MRPS27: variants seen among roughly 807,000 people sequenced by gnomAD.
MRPS27 encodes mitochondrial ribosomal protein S27.
Under a neutral mutation model 48.9 loss-of-function variants are expected in MRPS27, and 43 were observed. The observed-to-expected ratio is 0.88, with a 90% CI of 0.69 to 1.13. The LOEUF (loss-of-function observed/expected upper bound fraction) is 1.13, where lower values mean the gene tolerates loss of function less well. MRPS27 is among the 50% of genes most tolerant of loss of function. The pLI, the probability that MRPS27 is intolerant of heterozygous loss-of-function variation, is 0.00. For missense variants in MRPS27, 467 were observed against 476.3 expected (o/e 0.98, Z 0.18); for synonymous variants, 188 against 171.9 (o/e 1.09, Z -0.73).
intron 7 of MRPS27, among the ~76,000 whole-genome samples, chr5:72,231,699 G>A (rs574505059): frequency 2.6e-5 from 4 of 152,234 alleles, no homozygotes; most frequent in African/African-American, 9.6e-5. Flanking sequence ...TGGACTAAAT[G>A]ACCTCTTCAG....
intron 3 of MRPS27, 145 bp downstream of exon 3, chr5:72,297,487 C>T (rs1458517256): frequency 1.9e-6 from 1 of 523,566 alleles, no homozygotes; most frequent in Non-Finnish European, 3.3e-6. Context: ...TATAAAATAT[C>T]TATTAGTAAC....
chr5:72,243,443 GAGA>G (rs1748417659), intron 4 of MRPS27, among the ~76,000 whole-genome samples: 1 of 152,102 alleles, frequency 6.6e-6, no homozygotes, highest in African/African-American at 2.4e-5. Flanking sequence ...AAATTTTGAT[GAGA>G]TAATTTTCTA....
intron 4 of MRPS27, among the ~76,000 whole-genome samples, chr5:72,242,286 C>T (rs1381347632): frequency 6.6e-6 from 1 of 152,116 alleles, no homozygotes; most frequent in African/African-American, 2.4e-5. Context: ...TCTGCCTGCA[C>T]TGCTGCTCAT....
At chr5:72,228,518 T>G (rs577110190) in intron 7 of MRPS27, 150 bp from the exon 8 acceptor site, 1 of 492,966 alleles carries the variant, frequency 2.0e-6, no homozygotes, top group South Asian at 4.8e-5. Context: ...ATCCTAATTT[T>G]GGGATTAAAA....
chr5:72,233,439 A>C (rs1240479837), intron 6 of MRPS27, among the ~76,000 whole-genome samples: 1 of 152,174 alleles, frequency 6.6e-6, no homozygotes, highest in African/African-American at 2.4e-5. Context: ...GTGCCTGTTC[A>C]TATCACAAGC....
At chr5:72,309,388 C>T (rs972185432) in intron 2 of MRPS27, among the ~76,000 whole-genome samples, 2 of 151,896 alleles carry the variant, frequency 1.3e-5, no homozygotes, top group Admixed American at 6.6e-5. Context: ...GCTTCAGCCT[C>T]CATTGTAGCT....
chr5:72,298,355 C>T (rs1472715188), intron 2 of MRPS27, among the ~76,000 whole-genome samples: 1 of 152,216 alleles, frequency 6.6e-6, no homozygotes, highest in Non-Finnish European at 1.5e-5. Flanking sequence ...GTCAGAATGG[C>T]TATTATTAAA....
chr5:72,226,306 T>C (rs1747896037), intron 8 of MRPS27, 107 bp from the exon 9 acceptor site: 3 of 1,300,474 alleles, frequency 2.3e-6, no homozygotes, highest in Non-Finnish European at 3.3e-6. Flanking sequence ...GCACTAGAAA[T>C]AGAGAAGGAT....
intron 4 of MRPS27, among the ~76,000 whole-genome samples, chr5:72,272,948 G>T (rs58952533): frequency 0.095 from 14,182 of 148,758 alleles, 1,460 homozygotes; most frequent in African/African-American, 0.28. Context: ...TTTGTCTAGT[G>T]TTATATATGT....
At chr5:72,267,243 T>C (rs1749127491) in intron 4 of MRPS27, among the ~76,000 whole-genome samples, 1 of 152,256 alleles carries the variant, frequency 6.6e-6, no homozygotes, top group African/African-American at 2.4e-5. Context: ...TCTGGACTGA[T>C]ATTCTAAGTT....
intron 4 of MRPS27, among the ~76,000 whole-genome samples, chr5:72,242,476 T>G: frequency 7.1e-6 from 1 of 140,400 alleles, no homozygotes; most frequent in African/African-American, 2.7e-5. Flanking sequence ...ATATAGGAGG[T>G]ACTCTATTGT....
At chr5:72,264,735 G>A (rs1382119423) in intron 4 of MRPS27, among the ~76,000 whole-genome samples, 2 of 152,142 alleles carry the variant, frequency 1.3e-5, no homozygotes, top group Non-Finnish European at 1.5e-5. Flanking sequence ...AAACTAAGAG[G>A]AAGACATGGA....
At chr5:72,310,492 G>T (rs1433431521) in intron 2 of MRPS27, among the ~76,000 whole-genome samples, 1 of 152,076 alleles carries the variant, frequency 6.6e-6, no homozygotes, top group Non-Finnish European at 1.5e-5. Flanking sequence ...ATTGAGAAGG[G>T]TAATGAATCA....
rs549381593 is a variant in MRPS27 at position 72,228,043 on chromosome 5, C to T, written c.694+223G>A. 4.2e-4 allele frequency: 237 copies of T among 561,584 alleles called. 3 individuals are homozygous for T. The highest frequency in any genetic ancestry group is 7.2e-4 in the South Asian group (28 of 39,088). 34.8% of individuals were successfully genotyped at this position (561,584 alleles called of 1,614,324 possible). A position where few individuals can be genotyped will look rare whatever the true frequency, so the allele number is the denominator to read the frequency against. ...ACTGAATATTATTACCTATATCCAC[C>T]AGAACTAGTTCTTGCTTTGCCAGTG... is the stretch of plus-strand genomic sequence containing the variant. On this transcript the variant is annotated intron_variant, in intron 8 of 10. Coordinates refer to ENST00000261413, the MANE Select transcript of MRPS27 (RefSeq NM_015084.3).
At chr5:72,233,029 G>C (rs990479782) in intron 6 of MRPS27, among the ~76,000 whole-genome samples, 1 of 152,226 alleles carries the variant, frequency 6.6e-6, no homozygotes, top group South Asian at 2.1e-4. Flanking sequence ...GAGCAGACAG[G>C]CTGGTCTGAC....
At chr5:72,255,569 T>C (rs1748779180) in intron 4 of MRPS27, among the ~76,000 whole-genome samples, 1 of 152,220 alleles carries the variant, frequency 6.6e-6, no homozygotes, top group Non-Finnish European at 1.5e-5. Flanking sequence ...ACATATTCAA[T>C]AATAAAATAA....
At chr5:72,263,991 C>T (rs977109596) in intron 4 of MRPS27, among the ~76,000 whole-genome samples, 3 of 152,072 alleles carry the variant, frequency 2.0e-5, no homozygotes, top group African/African-American at 7.2e-5. Context: ...AGAAACAACC[C>T]AAGCATCCAT....
At position 72,295,495 on chromosome 5, in the gene MRPS27, C is replaced by G; in HGVS notation, c.281+36G>C. ...TTTATGTAAAAAAGGGGTGTGAAAT[C>G]ACAGAGTACATAGCCAAATCAAATG... On this transcript the variant is annotated intron_variant, in intron 4 of 10. Coordinates refer to ENST00000261413, the MANE Select transcript of MRPS27 (RefSeq NM_015084.3). 3 of 1,513,708 alleles carry G rather than the reference C, an allele frequency of 2.0e-6. No individual in the cohort carries two copies. In the South Asian group the frequency reaches 3.5e-5, roughly 18 times the overall value. 93.8% of individuals were successfully genotyped at this position (1,513,708 alleles called of 1,614,324 possible). A position where few individuals can be genotyped will look rare whatever the true frequency, so the allele number is the denominator to read the frequency against.
chr5:72,247,142 T>C (rs1385011640), intron 4 of MRPS27, among the ~76,000 whole-genome samples: 1 of 152,172 alleles, frequency 6.6e-6, no homozygotes, highest in Non-Finnish European at 1.5e-5. Flanking sequence ...TTAATATAAA[T>C]GCATGAATCA....
Sources: allele counts gnomAD v4.1 joint callset (sites outside exome capture counted in the v4.1 genomes callset), GRCh38; gene constraint gnomAD v4.1.1; transcripts MANE v1.5; gene names NCBI Gene and HGNC (gene_info 2026-07-23, HGNC 2026-07-21).